PLSCR4: variants seen among roughly 807,000 people sequenced by gnomAD.
PLSCR4 encodes the protein Ca(2+)-dependent phospholipid scramblase 4.
A neutral mutation model predicts 36.3 loss-of-function variants in PLSCR4; 25 were observed. That is an observed-to-expected ratio of 0.69 (90% CI 0.50 to 0.96). The LOEUF (loss-of-function observed/expected upper bound fraction) is 0.96. Among genes scored for constraint, PLSCR4 ranks in the 40% least tolerant of loss-of-function variants. PLSCR4 has a pLI of 0.00. For missense variants in PLSCR4, 408 were observed against 414.7 expected (o/e 0.98, Z 0.14); for synonymous variants, 122 against 132.9 (o/e 0.92, Z 0.56).
At chr3:146,201,241 T>A (rs1269564774) in intron 4 of PLSCR4, among the ~76,000 whole-genome samples, 164 bp from the exon 5 acceptor site, 14 of 152,156 alleles carry the variant, frequency 9.2e-5, no homozygotes, top group Admixed American at 9.2e-4. Flanking sequence ...AATTAGCTTA[T>A]CTGCATCTGA....
At chr3:146,204,147 C>A (rs2034195247) in intron 4 of PLSCR4, among the ~76,000 whole-genome samples, 1 of 151,926 alleles carries the variant, frequency 6.6e-6, no homozygotes, top group Non-Finnish European at 1.5e-5. Flanking sequence ...AGTTCTTTGA[C>A]AAATTGGTAA....
chr3:146,224,043 G>A (rs2108300247), intron 1 of PLSCR4, among the ~76,000 whole-genome samples: 1 of 151,472 alleles, frequency 6.6e-6, no homozygotes, highest in African/African-American at 2.4e-5. Context: ...CAAGGGGTTA[G>A]TCATATTCCT....
At chr3:146,217,393 C>T (rs892370742) in intron 3 of PLSCR4, among the ~76,000 whole-genome samples, 2 of 152,172 alleles carry the variant, frequency 1.3e-5, no homozygotes, top group African/African-American at 2.4e-5. Flanking sequence ...TACTGCAGGA[C>T]GAACTGCTGT....
At chr3:146,249,564 G>C (rs1219835857) in intron 1 of PLSCR4, among the ~76,000 whole-genome samples, 1 of 151,334 alleles carries the variant, frequency 6.6e-6, no homozygotes, top group Non-Finnish European at 1.5e-5. Context: ...ATTATATGAA[G>C]AAGTCTCCAC....
intron 1 of PLSCR4, among the ~76,000 whole-genome samples, chr3:146,243,649 G>A (rs1377201880): frequency 6.6e-6 from 1 of 152,098 alleles, no homozygotes; most frequent in Admixed American, 6.6e-5. Context: ...AATATGTGAT[G>A]GGTTTACTGA....
intron 4 of PLSCR4, among the ~76,000 whole-genome samples, chr3:146,204,979 T>C (rs899277157): frequency 1.3e-5 from 2 of 152,174 alleles, no homozygotes; most frequent in Admixed American, 6.6e-5. Flanking sequence ...TCCAACTGTA[T>C]TGACTTCTAT....
chr3:146,241,591 C>T (rs989336425), intron 1 of PLSCR4, among the ~76,000 whole-genome samples: 5 of 151,910 alleles, frequency 3.3e-5, no homozygotes, highest in African/African-American at 9.7e-5. Context: ...CTTTTACACT[C>T]CATTCTTAGT....
rs1325585509 is a variant in PLSCR4 at position 146,206,604 on chromosome 3, A to G, written c.276T>C (p.Asn92=). ...RYQPGKYPMP[N]QSVPITWMPG... ...GCATCCATGTTATTGGAACAGACTGATTTGGCATAGGATATTTGCCAGGCT... is the reference window on the plus strand; with the variant it reads ...GCATCCATGTTATTGGAACAGACTGGTTTGGCATAGGATATTTGCCAGGCT... Residue 92 remains asparagine (N), a synonymous_variant, in exon 4 of 9, where the codon AAT becomes AAC. Transcript: ENST00000354952. 10 of 1,613,460 alleles carry G rather than the reference A, an allele frequency of 6.2e-6. No individual in the cohort carries two copies. The highest frequency in any genetic ancestry group is 4.0e-5 in the African/African-American group (3 of 74,870).
rs2033504237 is a variant in PLSCR4, at chr3:146,193,254, T to G, written c.*1157A>C. On this transcript the variant is annotated 3_prime_UTR_variant, in exon 9 of 9. Transcript: ENST00000354952. Reference sequence around the variant, plus strand: ...ATAGAATGTTTACTGTGTTTTATTATTATTACTCTGTGTAGATACATATTT... The same window carrying G: ...ATAGAATGTTTACTGTGTTTTATTAGTATTACTCTGTGTAGATACATATTT... 6.6e-6 allele frequency: 1 copy of G among 152,204 alleles called. No individual in the cohort carries two copies. Among genetic ancestry groups the G allele is most frequent in the Non-Finnish European group, 1.5e-5 (1 of 68,030 alleles). 9.4% of individuals were successfully genotyped at this position (152,204 alleles called of 1,614,324 possible).
At position 146,200,963 on chromosome 3, in the gene PLSCR4, G is replaced by A. The variant is rs2034018955; in HGVS notation, c.397+72C>T. On this transcript the variant is annotated intron_variant, in intron 5 of 8. Coordinates refer to ENST00000354952, the MANE Select transcript of PLSCR4 (RefSeq NM_020353.3). ...CTAAAACATGATCAATATAAAGAAG[G>A]AACTAGATATTGGATAATGCAAATT... 4.3e-6 allele frequency: 4 copies of A among 937,230 alleles called. No homozygotes were observed. The South Asian group carries it at 6.3e-5, about 15-fold the overall frequency. The allele number at this position is 937,230 out of a possible 1,614,324, so 58.1% of individuals were successfully genotyped here.
rs971321362 is a variant in PLSCR4 at position 146,194,304 on chromosome 3, T to C, written c.*107A>G. 1.3e-6 allele frequency: 1 copy of C among 793,448 alleles called. No homozygotes were observed. The highest frequency in any genetic ancestry group is 2.0e-5 in the Admixed American group (1 of 50,062). 49.2% of individuals were successfully genotyped at this position (793,448 alleles called of 1,614,324 possible). A position where few individuals can be genotyped will look rare whatever the true frequency, so the allele number is the denominator to read the frequency against. ...AAGTTAACACCCAATAAAAATACTCTACAAAGCAAAGAAATACACTTGCAA... is the reference window on the plus strand; with the variant it reads ...AAGTTAACACCCAATAAAAATACTCCACAAAGCAAAGAAATACACTTGCAA... On this transcript the variant is annotated 3_prime_UTR_variant, in exon 9 of 9. Coordinates refer to ENST00000354952, the MANE Select transcript of PLSCR4 (RefSeq NM_020353.3).
At chr3:146,216,469 T>C (rs1034955640) in intron 3 of PLSCR4, among the ~76,000 whole-genome samples, 1 of 152,190 alleles carries the variant, frequency 6.6e-6, no homozygotes, top group Non-Finnish European at 1.5e-5. Flanking sequence ...CTAAAACTTA[T>C]TGAGCTCTCA....
rs920654603 is a variant in PLSCR4, at chr3:146,194,321, C to T, written c.*90G>A. On this transcript the variant is annotated 3_prime_UTR_variant, in exon 9 of 9. Coordinates refer to ENST00000354952, the MANE Select transcript of PLSCR4 (RefSeq NM_020353.3). ...AAATACTCTACAAAGCAAAGAAATA[C>T]ACTTGCAAATAACTGAGTGCTGACT... The T allele has an allele frequency of 1.2e-5, 10 of 855,554 alleles. No individual in the cohort carries two copies. Among genetic ancestry groups the T allele is most frequent in the Non-Finnish European group, 2.0e-5 (10 of 505,158 alleles). The allele number at this position is 855,554 out of a possible 1,614,324, so 53.0% of individuals were successfully genotyped here.
intron 1 of PLSCR4, among the ~76,000 whole-genome samples, chr3:146,242,373 G>A (rs1361693616): frequency 6.6e-6 from 1 of 152,134 alleles, no homozygotes; most frequent in Non-Finnish European, 1.5e-5. Context: ...GAGTGACCAA[G>A]TTAAGGTACC....
intron 6 of PLSCR4, 151 bp from the exon 7 acceptor site, chr3:146,196,944 A>C: frequency 1.5e-6 from 1 of 683,614 alleles, no homozygotes; most frequent in Non-Finnish European, 2.4e-6. Context: ...CACCCAGGCC[A>C]TTCTTCAGGT....
In PLSCR4 at chr3:146,192,852, T is replaced by A. The variant is rs1487553085; in HGVS notation, c.*1559A>T. On this transcript the variant is annotated 3_prime_UTR_variant, in exon 9 of 9. Coordinates refer to ENST00000354952, the MANE Select transcript of PLSCR4 (RefSeq NM_020353.3). ...AAAAGCTAGTAGCAGCATGTAAAAA[T>A]GAGCATTACGAGAAACTCAGAAAAA... 5.3e-5 allele frequency: 8 copies of A among 151,682 alleles called. No individual in the cohort carries two copies. Among genetic ancestry groups the A allele is most frequent in the Non-Finnish European group, 1.0e-4 (7 of 67,914 alleles). The allele number at this position is 151,682 out of a possible 1,614,324, so 9.4% of individuals were successfully genotyped here. A position where few individuals can be genotyped will look rare whatever the true frequency, so the allele number is the denominator to read the frequency against.
intron 3 of PLSCR4, 43 bp from the exon 4 acceptor site, chr3:146,206,804 A>T (rs752086973): frequency 1.1e-5 from 13 of 1,208,110 alleles, no homozygotes; most frequent in African/African-American, 3.0e-5. Flanking sequence ...TATTAACACT[A>T]AAGTTAGCAT....
Position 146,195,231 on chromosome 3 carries a change from T to C in PLSCR4, c.838A>G (p.Asn280Asp), listed in dbSNP as rs377539047. ...SNIGSIIRKW[N>D]GLLSAMADAD... ...TCTGCCATTGCTGATAACAAACCAT[T>C]CCACTTCCGGATAATACTGCCGATG... The change falls in exon 8 of 9, where the codon AAT becomes GAT. Residue 280 changes from asparagine to aspartate, a missense_variant. Asn to Asp is a conservative substitution (Grantham distance 23, BLOSUM62 1). Transcript: ENST00000354952. 1.8e-5 allele frequency: 29 copies of C among 1,613,742 alleles called. No individual in the cohort carries two copies. The highest frequency in any genetic ancestry group is 2.4e-5 in the Non-Finnish European group (28 of 1,179,700).
chr3:146,208,797 T>G (rs940081380), intron 3 of PLSCR4, among the ~76,000 whole-genome samples: 2 of 152,098 alleles, frequency 1.3e-5, no homozygotes, highest in Non-Finnish European at 2.9e-5. Flanking sequence ...CAGGGAACAC[T>G]TCTACACTGC....
Sources: allele counts gnomAD v4.1 joint callset (sites outside exome capture counted in the v4.1 genomes callset), GRCh38; gene constraint gnomAD v4.1.1; transcripts MANE v1.5; gene names NCBI Gene and HGNC (gene_info 2026-07-23, HGNC 2026-07-21).